Variants in CEP170B observed in about 807,000 individuals in gnomAD.
The protein encoded by CEP170B is centrosomal protein 170B.
A neutral mutation model predicts 120.6 loss-of-function variants in CEP170B; 55 were observed. The ratio of observed to expected loss-of-function variants is 0.46; its 90% CI spans 0.37 to 0.57. The LOEUF is 0.57. Ranked by LOEUF, CEP170B falls within the 20% of genes least tolerant of loss-of-function variation. The pLI is 0.00. For missense variants in CEP170B, 2,212 were observed against 2,253.3 expected (o/e 0.98, Z 0.37); for synonymous variants, 1,033 against 954.5 (o/e 1.08, Z -1.52).
At chr14:104,885,264 C>T in intron 9 of CEP170B, 105 bp from the exon 10 acceptor site, 1 of 1,333,066 alleles carries the variant, frequency 7.5e-7, no homozygotes, top group Non-Finnish European at 1.0e-6. Flanking sequence ...CTCTGGCCAA[C>T]CAGGTCCCTG....
At position 104,883,039 on chromosome 14, in the gene CEP170B, C is replaced by T; in HGVS notation, c.582C>T (p.Arg194=). 1 of 1,517,058 alleles carries T rather than the reference C, an allele frequency of 6.6e-7. No homozygotes were observed. Among genetic ancestry groups the T allele is most frequent in the Non-Finnish European group, 8.8e-7 (1 of 1,132,832 alleles). 94.0% of individuals were successfully genotyped at this position (1,517,058 alleles called of 1,614,324 possible). ...GAAGACATCTTCCCACACCAGAGCG[C>T]CCCAAGGGACCAGTGCAGCAGGACG... is the stretch of plus-strand genomic sequence containing the variant. The part of the protein sequence containing the change: ...AQRQGEPYPE[R]PKGPVQQDGE... The change falls in exon 8 of 19, where the codon CGC becomes CGT. Residue 194 remains arginine (R), a synonymous_variant. Transcript: ENST00000414716.
chr14:104,890,875 G>A (rs1173417272), intron 13 of CEP170B, among the ~76,000 whole-genome samples: 2 of 140,972 alleles, frequency 1.4e-5, no homozygotes, highest in Non-Finnish European at 3.1e-5. Flanking sequence ...GTGGATGGAT[G>A]AATGGATGAG....
intron 2 of CEP170B, among the ~76,000 whole-genome samples, chr14:104,874,758 C>T (rs1242011101): frequency 6.6e-6 from 1 of 150,870 alleles, no homozygotes; most frequent in African/African-American, 2.4e-5. Flanking sequence ...CACCCCCGGT[C>T]CTCCTCTGCA....
rs565292025 is a variant in CEP170B, at chr14:104,880,433, C to G, written c.472+8C>G. 53 of 1,610,936 alleles carry G rather than the reference C, an allele frequency of 3.3e-5. No homozygotes were observed. In the East Asian group the frequency reaches 5.8e-4, roughly 18 times the overall value. On this transcript the variant is annotated splice_region_variant and intron_variant, in intron 6 of 18. Coordinates refer to ENST00000414716, the MANE Select transcript of CEP170B (RefSeq NM_001112726.3). ...ACCGGAGACCAGGAACAGGTAGGCC[C>G]AGGCAGTGCGGATGGGGTGAGCACA...
Position 104,872,278 on chromosome 14 carries a change from T to C in CEP170B, c.105+3723T>C, listed in dbSNP as rs141012598. Among the ~76,000 whole-genome samples, 246 of 69,214 alleles carry C rather than the reference T, an allele frequency of 3.6e-3. 8 individuals carry two copies. The highest frequency in any genetic ancestry group is 0.014 in the African/African-American group (220 of 16,220). The allele number at this position is 69,214 out of a possible 152,430, so 45.4% of individuals were successfully genotyped here. On this transcript the variant is annotated intron_variant, in intron 2 of 18. Coordinates refer to ENST00000414716, the MANE Select transcript of CEP170B (RefSeq NM_001112726.3). ...CATGTGTGTGCGTGTGGGTGTGCCG[T>C]GTGTGTGCCGCGTGTGTGTGCCATG...
rs1384263354 is a variant in CEP170B at position 104,895,137 on chromosome 14, C to T, written c.*179C>T. On this transcript the variant is annotated 3_prime_UTR_variant, in exon 19 of 19. Coordinates refer to ENST00000414716, the MANE Select transcript of CEP170B (RefSeq NM_001112726.3). ...TCGTCAGCTCCCAGCCAGCACCCTACTCACCCTGTCCAGCCCCATGGCCAC... is the reference window on the plus strand; with the variant it reads ...TCGTCAGCTCCCAGCCAGCACCCTATTCACCCTGTCCAGCCCCATGGCCAC... 1.5e-6 allele frequency: 1 copy of T among 681,200 alleles called. No individual in the cohort carries two copies. Among genetic ancestry groups the T allele is most frequent in the Middle Eastern group, 4.2e-4 (1 of 2,390 alleles). The allele number at this position is 681,200 out of a possible 1,614,324, so 42.2% of individuals were successfully genotyped here.
chr14:104,894,817 C>G lies in CEP170B; in HGVS notation c.4524C>G (p.Ala1508=), dbSNP rs1397692523. 1.2e-6 allele frequency: 2 copies of G among 1,608,720 alleles called. No individual in the cohort carries two copies. Among genetic ancestry groups the G allele is most frequent in the Admixed American group, 1.7e-5 (1 of 59,876 alleles). Residue 1508 remains alanine, a synonymous_variant, in exon 19 of 19, where the codon GCC becomes GCG. Coordinates refer to ENST00000414716, the MANE Select transcript of CEP170B (RefSeq NM_001112726.3). ...GGCTGGGGAAGGGCCGCGTGGCTGC[C>G]CAGAGCCCACCCTCACCCGCCTCAG... ...QPGLGKGRVA[A]QSPPSPASAE... is the part of the protein sequence containing the mutation.
chr14:104,889,321 G>A (rs902706114), intron 12 of CEP170B, among the ~76,000 whole-genome samples: 3 of 149,470 alleles, frequency 2.0e-5, no homozygotes, highest in African/African-American at 7.6e-5. Context: ...CCCTGGGCTG[G>A]TGGGGGCCTT....
In CEP170B at chr14:104,893,728, G is replaced by A. The variant is rs780784440; in HGVS notation, c.4183-33G>A. ...GGGGAGCAGGGGCGGGGCTCCTCGA[G>A]GGCGGGGCCATGCTGAGGCCGGGCT... On this transcript the variant is annotated intron_variant, in intron 15 of 18. Coordinates refer to ENST00000414716, the MANE Select transcript of CEP170B (RefSeq NM_001112726.3). 3 of 1,592,448 alleles carry A rather than the reference G, an allele frequency of 1.9e-6. 1 individual carries two copies. The highest frequency in any genetic ancestry group is 2.6e-6 in the Non-Finnish European group (3 of 1,170,540).
chr14:104,890,047 T>C (rs1336154491), intron 13 of CEP170B, among the ~76,000 whole-genome samples: 4 of 82,078 alleles, frequency 4.9e-5, no homozygotes, highest in Non-Finnish European at 7.3e-5. Context: ...GGTGGGCAGG[T>C]AGATGGATAG....
At chr14:104,878,115 A>G in intron 4 of CEP170B, 152 bp downstream of exon 4, 2 of 679,232 alleles carry the variant, frequency 2.9e-6, no homozygotes, top group Non-Finnish European at 5.1e-6. Context: ...CCACCTGCTG[A>G]TGGAGCACCC....
Position 104,886,373 on chromosome 14 carries a change from C to A in CEP170B, c.2134C>A (p.Pro712Thr), listed in dbSNP as rs760485354. 25 of 1,580,220 alleles carry A rather than the reference C, an allele frequency of 1.6e-5. No individual in the cohort carries two copies. The African/African-American group carries it at 2.3e-4, about 14-fold the overall frequency. ...PQLPSERADS[P>T]AGPESSRRSG... The stretch of plus-strand genomic sequence containing the variant: ...GCTGCCCAGTGAGAGGGCTGACAGC[C>A]CTGCGGGCCCAGAGAGCAGCAGGAG... The change falls in exon 12 of 19, where the codon CCT becomes ACT. Residue 712 changes from proline to threonine, a missense_variant. Pro to Thr is a conservative substitution (Grantham distance 38). This residue lies in a region of CEP170B where 2,166 missense variants were observed against 2,166.7 expected (regional missense o/e 1.00). Transcript: ENST00000414716.
intron 5 of CEP170B, among the ~76,000 whole-genome samples, chr14:104,879,167 C>T (rs1345789673): frequency 6.6e-6 from 1 of 152,146 alleles, no homozygotes; most frequent in Non-Finnish European, 1.5e-5. Flanking sequence ...TTAAGAGTCT[C>T]TAGACAGAGT....
intron 6 of CEP170B, among the ~76,000 whole-genome samples, chr14:104,881,908 A>G (rs996558375): frequency 6.6e-6 from 1 of 152,110 alleles, no homozygotes; most frequent in African/African-American, 2.4e-5. Context: ...CGCAGTGTGC[A>G]CATGGTTCCT....
intron 2 of CEP170B, among the ~76,000 whole-genome samples, chr14:104,874,054 G>T (rs1895707346): frequency 6.6e-6 from 1 of 152,198 alleles, no homozygotes; most frequent in Non-Finnish European, 1.5e-5. Context: ...GGATCCTGGG[G>T]CCTGGCCCTC....
At chr14:104,875,677 G>T (rs965443628) in intron 2 of CEP170B, among the ~76,000 whole-genome samples, 4 of 152,162 alleles carry the variant, frequency 2.6e-5, no homozygotes, top group African/African-American at 7.2e-5. Flanking sequence ...GTCTCCCCAT[G>T]CCCCAGTGGG....
In CEP170B at chr14:104,879,887, C is replaced by T. The variant is rs190677641; in HGVS notation, c.334-400C>T. On this transcript the variant is annotated intron_variant, in intron 5 of 18. Transcript: ENST00000414716. ...CCCCGGGAGCCCTTTGGGGCCAGGG[C>T]GCTTAGCCCGTTCCTCGGATGATCT... Among the ~76,000 whole-genome samples, 131 of 152,270 alleles carry T rather than the reference C, an allele frequency of 8.6e-4. 1 individual carries two copies. Among genetic ancestry groups the T allele is most frequent in the Middle Eastern group, 6.8e-3 (2 of 294 alleles).
chr14:104,884,240 C>T lies in CEP170B; in HGVS notation c.1461C>T (p.Ala487=). ...CCTCGCCCGCCTCCCGAACCCCTGC[C>T]CGCCCCTTCGGAAGCGTGGGGCGCC... ...GSPSPASRTP[A]RPFGSVGRRS... is the part of the protein sequence containing the mutation. Residue 487 remains alanine, a synonymous_variant, in exon 9 of 19, where the codon GCC becomes GCT. Transcript: ENST00000414716. The T allele has an allele frequency of 6.5e-7, 1 of 1,544,720 alleles. No individual in the cohort carries two copies. Among genetic ancestry groups the T allele is most frequent in the Non-Finnish European group, 8.7e-7 (1 of 1,147,186 alleles).
intron 16 of CEP170B, 38 bp from the exon 17 acceptor site, chr14:104,894,247 C>T (rs1190595709): frequency 6.8e-7 from 1 of 1,476,924 alleles, no homozygotes; most frequent in Non-Finnish European, 9.5e-7. Flanking sequence ...CATCTCTGTC[C>T]TTGTCCCCCC....
Sources: allele counts gnomAD v4.1 joint callset (sites outside exome capture counted in the v4.1 genomes callset), GRCh38; gene constraint gnomAD v4.1.1; regional missense constraint gnomAD v4.1.1; transcripts MANE v1.5; gene names NCBI Gene and HGNC (gene_info 2026-07-23, HGNC 2026-07-21).